Variants in PRKCA observed in about 807,000 individuals in gnomAD.
PRKCA encodes protein kinase C alpha type.
In PRKCA, 27 loss-of-function variants were observed where a neutral mutation model predicts 87.0. The ratio of observed to expected loss-of-function variants is 0.31; its 90% CI spans 0.23 to 0.43. PRKCA has a LOEUF of 0.43. PRKCA is among the 20% of genes least tolerant of loss of function. The probability of loss-of-function intolerance (pLI) is 1.00; values close to 1 mark genes in which losing one functional copy is unlikely to be tolerated. For synonymous variants in PRKCA, 329 were observed against 311.1 expected (o/e 1.06, Z -0.61); for missense variants, 518 against 852.3 (o/e 0.61, Z 4.88).
At chr17:66,323,756 A>G (rs1387118212) in intron 2 of PRKCA, among the ~76,000 whole-genome samples, 1 of 152,154 alleles carries the variant, frequency 6.6e-6, no homozygotes, top group Non-Finnish European at 1.5e-5. Flanking sequence ...CCTGGCCAAC[A>G]TGGTGAAACC....
chr17:66,778,010 C>A, intron 14 of PRKCA: 1 of 985,348 alleles, frequency 1.0e-6, no homozygotes, highest in Non-Finnish European at 1.2e-6. Flanking sequence ...CCACACTGGC[C>A]TCAGACCTCA....
chr17:66,675,001 C>T (rs542292038), intron 5 of PRKCA, among the ~76,000 whole-genome samples: 44 of 152,382 alleles, frequency 2.9e-4, no homozygotes, highest in South Asian at 1.2e-3. Context: ...AACCACCCAA[C>T]GCCTCCTATC....
intron 8 of PRKCA, among the ~76,000 whole-genome samples, chr17:66,709,061 G>C (rs1163014516): frequency 6.6e-6 from 1 of 152,128 alleles, no homozygotes; most frequent in East Asian, 1.9e-4. Context: ...AGTAGACAAA[G>C]CCTTACTGAG....
chr17:66,680,781 A>G (rs1387684971), intron 5 of PRKCA, among the ~76,000 whole-genome samples: 8 of 152,006 alleles, frequency 5.3e-5, no homozygotes, highest in African/African-American at 1.7e-4. Context: ...GAAATTAAAA[A>G]TCCACATTGG....
chr17:66,438,318 A>G (rs987545527), intron 2 of PRKCA, among the ~76,000 whole-genome samples: 2 of 151,718 alleles, frequency 1.3e-5, no homozygotes, highest in African/African-American at 4.8e-5. Context: ...CCGGCATTTC[A>G]GTGTCTCTTG....
intron 13 of PRKCA, among the ~76,000 whole-genome samples, chr17:66,759,224 C>T (rs1009910119): frequency 1.3e-5 from 2 of 151,766 alleles, no homozygotes; most frequent in Non-Finnish European, 2.9e-5. Flanking sequence ...GGCGTGGTGG[C>T]GGGCACCTGT....
chr17:66,520,555 A>C (rs1000437161), intron 3 of PRKCA, among the ~76,000 whole-genome samples: 10 of 152,212 alleles, frequency 6.6e-5, no homozygotes, highest in African/African-American at 2.4e-4. Flanking sequence ...GAGCCACTTC[A>C]AAGAACAGAA....
chr17:66,516,037 T>C lies in PRKCA; in HGVS notation c.288+19754T>C, dbSNP rs769453110. ...TTATTCAGTCATAATATTCTTATTA[T>C]ATAATACTTCCTGATAGTAGATATT... On this transcript the variant is annotated intron_variant, in intron 3 of 16. Coordinates refer to ENST00000413366, the MANE Select transcript of PRKCA (RefSeq NM_002737.3). Among the ~76,000 whole-genome samples, 10 of 152,240 alleles carry C rather than the reference T, an allele frequency of 6.6e-5. 1 individual carries two copies. The highest frequency in any genetic ancestry group is 1.2e-4 in the Non-Finnish European group (8 of 68,040).
At chr17:66,635,813 A>G (rs1490257045) in intron 3 of PRKCA, among the ~76,000 whole-genome samples, 1 of 152,200 alleles carries the variant, frequency 6.6e-6, no homozygotes, top group Admixed American at 6.5e-5. Context: ...AGTTAATGGT[A>G]TTGTAGCATT....
At chr17:66,748,111 G>A (rs117191493) in intron 13 of PRKCA, among the ~76,000 whole-genome samples, 2,995 of 152,344 alleles carry the variant, frequency 0.02, 41 homozygotes, top group Non-Finnish European at 0.031. Context: ...GCTTGCAGAC[G>A]TGGTTGCCTG....
At chr17:66,674,890 G>C (rs183436847) in intron 5 of PRKCA, among the ~76,000 whole-genome samples, 54 of 152,268 alleles carry the variant, frequency 3.5e-4, no homozygotes, top group African/African-American at 1.3e-3. Flanking sequence ...TGAGAAATCA[G>C]TTACCTCCTT....
intron 2 of PRKCA, among the ~76,000 whole-genome samples, chr17:66,307,857 T>A (rs929695446): frequency 6.6e-6 from 1 of 152,194 alleles, no homozygotes; most frequent in African/African-American, 2.4e-5. Flanking sequence ...TATGCTTCTC[T>A]TTTCCCTCCT....
In PRKCA at chr17:66,806,777, A is replaced by G. The variant is rs372510968; in HGVS notation, c.*2740A>G. On this transcript the variant is annotated 3_prime_UTR_variant, in exon 17 of 17. Coordinates refer to ENST00000413366, the MANE Select transcript of PRKCA (RefSeq NM_002737.3). The stretch of plus-strand genomic sequence containing the variant: ...CAGCTGGCTGTTACTCTCTCAGACC[A>G]TATGGCAAAGTTTTCCAAGAAAATG... The G allele has an allele frequency of 2.4e-4, 36 of 152,344 alleles. No homozygotes were observed. The highest frequency in any genetic ancestry group is 8.7e-4 in the African/African-American group (36 of 41,582). 9.4% of individuals were successfully genotyped at this position (152,344 alleles called of 1,614,324 possible). A position where few individuals can be genotyped will look rare whatever the true frequency, so the allele number is the denominator to read the frequency against.
intron 13 of PRKCA, among the ~76,000 whole-genome samples, chr17:66,754,431 C>A (rs1019252360): frequency 1.3e-5 from 2 of 152,162 alleles, no homozygotes; most frequent in African/African-American, 4.8e-5. Context: ...CACCTCCCCA[C>A]TGTGCGTGTG....
intron 3 of PRKCA, among the ~76,000 whole-genome samples, chr17:66,502,237 A>ATT (rs537230381): frequency 6.8e-6 from 1 of 146,796 alleles, no homozygotes; most frequent in East Asian, 2.0e-4. Flanking sequence ...GCCCTTTTTA[A>ATT]TTTTTTTTTT....
At chr17:66,538,667 T>C (rs1255179590) in intron 3 of PRKCA, among the ~76,000 whole-genome samples, 1 of 152,222 alleles carries the variant, frequency 6.6e-6, no homozygotes, top group African/African-American at 2.4e-5. Context: ...CAGCAGTTAG[T>C]AAATGGCAGC....
At position 66,389,684 on chromosome 17, in the gene PRKCA, A is replaced by G. The variant is rs117080719; in HGVS notation, c.205+83557A>G. Among the ~76,000 whole-genome samples, 620 of 152,290 alleles carry G rather than the reference A, an allele frequency of 4.1e-3. 16 individuals carry two copies. In the East Asian group the frequency reaches 0.053, roughly 13 times the overall value. On this transcript the variant is annotated intron_variant, in intron 2 of 16. Transcript: ENST00000413366. Reference sequence around the variant, plus strand: ...GTGGTGCTCTGGTGCTGTTTGAAACATGCGACTGGTTCTTTTAGAGATTGG... The same window carrying G: ...GTGGTGCTCTGGTGCTGTTTGAAACGTGCGACTGGTTCTTTTAGAGATTGG...
At chr17:66,410,403 A>G (rs1204608425) in intron 2 of PRKCA, among the ~76,000 whole-genome samples, 2 of 152,224 alleles carry the variant, frequency 1.3e-5, no homozygotes, top group Non-Finnish European at 2.9e-5. Context: ...GGACTAAGTC[A>G]TTATAGCTTT....
intron 13 of PRKCA, among the ~76,000 whole-genome samples, chr17:66,751,288 A>G (rs1202331497): frequency 6.6e-6 from 1 of 152,202 alleles, no homozygotes; most frequent in South Asian, 2.1e-4. Flanking sequence ...TTCATGCTTT[A>G]CAAACACTGT....
Sources: gnomAD v4.1 joint callset for allele counts (sites outside exome capture counted in the v4.1 genomes callset) on GRCh38, gnomAD v4.1.1 for gene constraint, MANE v1.5 for transcripts, NCBI Gene and HGNC (gene_info 2026-07-23, HGNC 2026-07-21) for gene names.